BSG: variants seen among roughly 807,000 people sequenced by gnomAD.
BSG encodes the protein basigin.
A neutral mutation model predicts 43.1 loss-of-function variants in BSG; 37 were observed. The observed-to-expected ratio is 0.86, with a 90% CI of 0.66 to 1.13. The LOEUF (loss-of-function observed/expected upper bound fraction) is 1.13, where lower values mean the gene tolerates loss of function less well. Ranked by LOEUF, BSG falls within the 50% of genes most tolerant of loss-of-function variation. The probability of loss-of-function intolerance (pLI) is 0.00; values close to 1 mark genes in which losing one functional copy is unlikely to be tolerated. For missense variants in BSG, 599 were observed against 554.2 expected, an observed-to-expected ratio of 1.08 and a Z score of -0.81; for synonymous variants, 309 against 238.7, an observed-to-expected ratio of 1.29 and a Z score of -2.72.
intron 1 of BSG, among the ~76,000 whole-genome samples, chr19:573,205 T>C (rs2072308): frequency 0.14 from 21,215 of 152,050 alleles, 1,707 homozygotes; most frequent in South Asian, 0.26. Flanking sequence ...CAGGGGCTGG[T>C]TGGTGCCTGC....
At chr19:572,565 G>C, upstream of BSG, 1 of 1,416,458 alleles carries the variant, frequency 7.1e-7, no homozygotes, top group African/African-American at 1.5e-5. Flanking sequence ...CGCCTCCGCC[G>C]CTTTTTATAG....
Position 572,627 on chromosome 19 carries a change from T to G in BSG, c.-8T>G. 2 of 1,500,714 alleles carry G rather than the reference T, an allele frequency of 1.3e-6. No individual in the cohort carries two copies. The highest frequency in any genetic ancestry group is 1.8e-6 in the Non-Finnish European group (2 of 1,122,812). The allele number at this position is 1,500,714 out of a possible 1,614,324, so 93.0% of individuals were successfully genotyped here. Reference sequence around the variant, plus strand: ...TGGAGGTTGTAGGACCGGCGAGGAATAGGAATCATGGCGGCTGCGCTGTTC... The same window carrying G: ...TGGAGGTTGTAGGACCGGCGAGGAAGAGGAATCATGGCGGCTGCGCTGTTC... On this transcript the variant is annotated 5_prime_UTR_variant, in exon 1 of 9. Transcript: ENST00000333511.
At position 582,297 on chromosome 19, in the gene BSG, C is replaced by G. The variant is rs1296742870; in HGVS notation, c.1070-9C>G. 1.9e-6 allele frequency: 3 copies of G among 1,603,830 alleles called. No individual in the cohort carries two copies. In the Middle Eastern group the frequency reaches 5.0e-4, roughly 267 times the overall value. On this transcript the variant is annotated splice_polypyrimidine_tract_variant and intron_variant, in intron 6 of 8. Coordinates refer to ENST00000333511, the MANE Select transcript of BSG (RefSeq NM_001728.4). ...CGTCCTCTTTTTCATGGCGGCGGTC[C>G]TTCTTCAGATGACGACGCCGGCTCT...
chr19:573,599 C>T (rs1473591821), intron 1 of BSG, among the ~76,000 whole-genome samples: 5 of 152,118 alleles, frequency 3.3e-5, no homozygotes, highest in African/African-American at 9.7e-5. Flanking sequence ...GCGGAATCTC[C>T]CTCTGATTCT....
intron 1 of BSG, among the ~76,000 whole-genome samples, 199 bp downstream of exon 1, chr19:572,900 C>T (rs1021749832): frequency 6.6e-5 from 10 of 152,158 alleles, no homozygotes; most frequent in Admixed American, 3.3e-4. Flanking sequence ...CTAGAGGTTC[C>T]TCCCGGCGCG....
intron 1 of BSG, among the ~76,000 whole-genome samples, chr19:574,636 C>A (rs528018464): frequency 6.6e-6 from 1 of 152,176 alleles, no homozygotes; most frequent in African/African-American, 2.4e-5. Context: ...CCTGAAGGGT[C>A]AAGAGCAAGG....
chr19:579,188 A>G (rs978306950), intron 2 of BSG: 1 of 508,502 alleles, frequency 2.0e-6, no homozygotes, highest in Non-Finnish European at 3.8e-6. Flanking sequence ...CTGGGCAGGA[A>G]CATCGCCAGG....
chr19:581,659 C>T, intron 6 of BSG, 68 bp downstream of exon 6: 1 of 1,475,332 alleles, frequency 6.8e-7, no homozygotes, highest in Non-Finnish European at 9.0e-7. Context: ...CCTGGTCCGT[C>T]CCTGCCAGCC....
intron 2 of BSG, chr19:578,960 G>A (rs1568351132): frequency 4.4e-6 from 2 of 452,758 alleles, no homozygotes; most frequent in Middle Eastern, 5.8e-4. Flanking sequence ...TCGATCTCCC[G>A]ACCTCGAGAT....
intron 2 of BSG, among the ~76,000 whole-genome samples, chr19:578,611 C>T (rs994940932): frequency 6.6e-6 from 1 of 152,254 alleles, no homozygotes; most frequent in African/African-American, 2.4e-5. Flanking sequence ...TGGGGATTGG[C>T]AGAAGAACCG....
intron 6 of BSG, 60 bp from the exon 7 acceptor site, chr19:582,246 G>T: frequency 6.3e-7 from 1 of 1,595,142 alleles, no homozygotes; most frequent in Non-Finnish European, 8.5e-7. Context: ...GGCCTGAGTG[G>T]GGCCAGTGCT....
At chr19:575,192 G>A in intron 1 of BSG, 1 of 152,578 alleles carries the variant, frequency 6.6e-6, no homozygotes, top group African/African-American at 2.4e-5. Context: ...AGCCGTGTGT[G>A]CGCGTGTGTG....
In BSG at chr19:572,630, G is replaced by T. The variant is rs1216872074; in HGVS notation, c.-5G>T. 6.0e-6 allele frequency: 9 copies of T among 1,502,350 alleles called. No homozygotes were observed. In the South Asian group the frequency reaches 7.6e-5, roughly 13 times the overall value. 93.1% of individuals were successfully genotyped at this position (1,502,350 alleles called of 1,614,324 possible). A position where few individuals can be genotyped will look rare whatever the true frequency, so the allele number is the denominator to read the frequency against. On this transcript the variant is annotated 5_prime_UTR_variant, in exon 1 of 9. Transcript: ENST00000333511. ...AGGTTGTAGGACCGGCGAGGAATAG[G>T]AATCATGGCGGCTGCGCTGTTCGTG...
chr19:571,798 T>G, upstream of BSG: 1 of 587,360 alleles, frequency 1.7e-6, no homozygotes, highest in Non-Finnish European at 3.0e-6. Context: ...TGGCTGGGGT[T>G]GGACGCCCAC....
rs1339843273 is a variant in BSG, at chr19:580,776, G to A, written c.786G>A (p.Glu262=). Residue 262 remains glutamate (E), a synonymous_variant, in exon 5 of 9, where the codon GAG becomes GAA. Coordinates refer to ENST00000333511, the MANE Select transcript of BSG (RefSeq NM_001728.4). ...DWAWYKITDS[E]DKALMNGSES... is the part of the protein sequence containing the mutation. ...CCTGGTACAAGATCACTGACTCTGA[G>A]GACAAGGTGAGAAGCCAAGGAGGCT... is the stretch of plus-strand genomic sequence containing the variant. 3 of 1,612,680 alleles carry A rather than the reference G, an allele frequency of 1.9e-6. No individual in the cohort carries two copies. The highest frequency in any genetic ancestry group is 2.7e-5 in the African/African-American group (2 of 74,946).
At chr19:572,442 C>G (rs1414560105), upstream of BSG, 3 of 1,145,308 alleles carry the variant, frequency 2.6e-6, no homozygotes, top group African/African-American at 1.6e-5. Context: ...GTGAGCCTGC[C>G]GGAGCCGGCG....
chr19:575,218 C>T (rs1981658788), intron 1 of BSG: 1 of 152,472 alleles, frequency 6.6e-6, no homozygotes, highest in South Asian at 2.1e-4. Flanking sequence ...GGTGAGAAAC[C>T]CCACTTTTGC....
intron 7 of BSG, 41 bp downstream of exon 7, chr19:582,371 C>G (rs1982402024): frequency 2.5e-6 from 4 of 1,596,220 alleles, no homozygotes; most frequent in South Asian, 2.3e-5. Flanking sequence ...CAAGGAGCGG[C>G]CTGCTGCCCC....
intron 1 of BSG, among the ~76,000 whole-genome samples, chr19:576,507 A>G (rs547687363): frequency 6.6e-6 from 1 of 152,352 alleles, no homozygotes; most frequent in African/African-American, 2.4e-5. Flanking sequence ...CACGCCTGTA[A>G]TCCCAGCACT....
Sources: gnomAD v4.1 joint callset for allele counts (sites outside exome capture counted in the v4.1 genomes callset) on GRCh38, gnomAD v4.1.1 for gene constraint, MANE v1.5 for transcripts, NCBI Gene and HGNC (gene_info 2026-07-23, HGNC 2026-07-21) for gene names.